Variants in NCKAP5 observed in about 807,000 individuals in gnomAD.
The protein encoded by NCKAP5 is nck-associated protein 5.
NCKAP5 carries 92 observed loss-of-function variants against 167.0 expected under a neutral mutation model. That is an observed-to-expected ratio of 0.55 (90% CI 0.47 to 0.66). The LOEUF is 0.66. Among genes scored for constraint, NCKAP5 ranks in the 30% least tolerant of loss-of-function variants. NCKAP5 has a pLI of 0.00. For synonymous variants in NCKAP5, 891 were observed against 877.4 expected, an observed-to-expected ratio of 1.02 and a Z score of -0.27; for missense variants, 2,378 against 2,315.0, an observed-to-expected ratio of 1.03 and a Z score of -0.56.
intron 11 of NCKAP5, among the ~76,000 whole-genome samples, chr2:132,851,532 G>A (rs1689079567): frequency 6.6e-6 from 1 of 152,178 alleles, no homozygotes; most frequent in Non-Finnish European, 1.5e-5. Flanking sequence ...TGCCTCTAGG[G>A]TCTGGCCATC....
intron 19 of NCKAP5, among the ~76,000 whole-genome samples, chr2:132,697,621 C>G (rs1294645869): frequency 6.9e-6 from 1 of 145,816 alleles, no homozygotes; most frequent in East Asian, 2.0e-4. Context: ...TTTTTTTTTC[C>G]ATGTCCTGAA....
intron 19 of NCKAP5, among the ~76,000 whole-genome samples, chr2:132,718,731 A>G (rs1689616529): frequency 6.6e-6 from 1 of 152,224 alleles, no homozygotes; most frequent in Non-Finnish European, 1.5e-5. Context: ...AAGGGGCTAC[A>G]CAAGACCATA....
rs987586672 is a variant in NCKAP5, at chr2:133,170,100, T to C, written c.208-39989A>G. Among the ~76,000 whole-genome samples, 9 of 152,164 alleles carry C rather than the reference T, an allele frequency of 5.9e-5. No homozygotes were observed. In the East Asian group the frequency reaches 9.6e-4, roughly 16 times the overall value. On this transcript the variant is annotated intron_variant, in intron 5 of 19. Transcript: ENST00000409261. ...ATATTTTATAATTCTCAGTGATTCATACAAAAGCAATACTCTTTAAAATGG... is the reference window on the plus strand; with the variant it reads ...ATATTTTATAATTCTCAGTGATTCACACAAAAGCAATACTCTTTAAAATGG...
At chr2:133,290,868 C>G (rs1230975050) in intron 4 of NCKAP5, among the ~76,000 whole-genome samples, 3 of 151,836 alleles carry the variant, frequency 2.0e-5, no homozygotes. Context: ...ATACTCCCAC[C>G]TCAGCCTCCT....
At chr2:133,471,602 A>T (rs759453534) in intron 3 of NCKAP5, among the ~76,000 whole-genome samples, 11 of 152,126 alleles carry the variant, frequency 7.2e-5, no homozygotes, top group Non-Finnish European at 1.0e-4. Context: ...ACTTAGAAAG[A>T]CACTGCCTTG....
chr2:133,659,475 A>G, the NCKAP5 span, among the ~76,000 whole-genome samples: 29 of 152,350 alleles, frequency 1.9e-4, no homozygotes, highest in African/African-American at 6.0e-4. Context: ...AACACAAGCA[A>G]CAAAAGAAAA....
intron 8 of NCKAP5, among the ~76,000 whole-genome samples, chr2:132,879,309 A>C (rs1691566796): frequency 1.3e-5 from 2 of 152,266 alleles, no homozygotes; most frequent in Admixed American, 1.3e-4. Context: ...TTTAGGCCAC[A>C]GAAAAGAATC....
At chr2:132,848,244 G>A (rs967057096) in intron 11 of NCKAP5, among the ~76,000 whole-genome samples, 3 of 152,156 alleles carry the variant, frequency 2.0e-5, no homozygotes, top group South Asian at 4.1e-4. Context: ...TTAAGTCAGC[G>A]AGTTATTTTT....
chr2:133,130,880 G>GC (rs1416404140), intron 5 of NCKAP5, among the ~76,000 whole-genome samples: 2 of 152,068 alleles, frequency 1.3e-5, no homozygotes, highest in African/African-American at 4.8e-5. Flanking sequence ...TTTTTAAAAA[G>GC]CATGCCATGC....
At chr2:133,387,213 C>T (rs1379698215) in intron 3 of NCKAP5, among the ~76,000 whole-genome samples, 1 of 152,096 alleles carries the variant, frequency 6.6e-6, no homozygotes, top group Non-Finnish European at 1.5e-5. Flanking sequence ...TTAGTGCTTC[C>T]TTCAGGAGCT....
intron 3 of NCKAP5, among the ~76,000 whole-genome samples, chr2:133,322,902 T>G (rs1006345680): frequency 1.3e-5 from 2 of 152,172 alleles, no homozygotes; most frequent in Non-Finnish European, 2.9e-5. Flanking sequence ...ACCTGAAAAT[T>G]TGCATTTCTA....
intron 6 of NCKAP5, among the ~76,000 whole-genome samples, chr2:133,125,824 A>C (rs2082386150): frequency 6.6e-6 from 1 of 152,192 alleles, no homozygotes; most frequent in Non-Finnish European, 1.5e-5. Context: ...CTTATGGCTG[A>C]TTAGGTAACC....
At chr2:132,883,750 T>A (rs1691981958) in intron 8 of NCKAP5, among the ~76,000 whole-genome samples, 1 of 152,210 alleles carries the variant, frequency 6.6e-6, no homozygotes. Flanking sequence ...TGGTATTTAT[T>A]TTTCTACTTA....
chr2:133,146,920 C>A (rs1232918036), intron 5 of NCKAP5, among the ~76,000 whole-genome samples: 1 of 152,114 alleles, frequency 6.6e-6, no homozygotes, highest in East Asian at 1.9e-4. Flanking sequence ...ATCATTTAAA[C>A]CTTGCATGTA....
intron 8 of NCKAP5, among the ~76,000 whole-genome samples, chr2:132,893,660 A>G (rs920087486): frequency 2.6e-5 from 4 of 152,178 alleles, no homozygotes; most frequent in African/African-American, 9.7e-5. Context: ...TATTCTTTCA[A>G]AAAGCAAGCA....
At chr2:132,816,135 A>G (rs1469079041) in intron 11 of NCKAP5, among the ~76,000 whole-genome samples, 1 of 152,156 alleles carries the variant, frequency 6.6e-6, no homozygotes, top group African/African-American at 2.4e-5. Flanking sequence ...TTCAAATTCA[A>G]GAGATGGAGC....
chr2:133,207,972 G>A (rs535061313), intron 5 of NCKAP5, among the ~76,000 whole-genome samples: 1 of 152,244 alleles, frequency 6.6e-6, no homozygotes, highest in Admixed American at 6.5e-5. Flanking sequence ...GTGGTGGGGT[G>A]GCAAAGAGTA....
chr2:132,869,853 T>C (rs1690664218), intron 9 of NCKAP5, among the ~76,000 whole-genome samples: 1 of 152,212 alleles, frequency 6.6e-6, no homozygotes, highest in African/African-American at 2.4e-5. Context: ...GATGATGTTA[T>C]GGAGCTGTAC....
chr2:133,485,936 G>T (rs549511215), intron 3 of NCKAP5, among the ~76,000 whole-genome samples: 1 of 152,234 alleles, frequency 6.6e-6, no homozygotes, highest in East Asian at 1.9e-4. Flanking sequence ...ATGATGTATT[G>T]TATCACATGC....
Sources: gnomAD v4.1 joint callset for allele counts (sites outside exome capture counted in the v4.1 genomes callset) on GRCh38, gnomAD v4.1.1 for gene constraint, MANE v1.5 for transcripts, NCBI Gene and HGNC (gene_info 2026-07-23, HGNC 2026-07-21) for gene names.